TOM1L2: variants seen among roughly 807,000 people sequenced by gnomAD.
The protein encoded by TOM1L2 is target of myb1 like 2 membrane trafficking protein.
TOM1L2 carries 31 observed loss-of-function variants against 67.9 expected under a neutral mutation model. The observed-to-expected ratio is 0.46, with a 90% confidence interval of 0.34 to 0.62. The LOEUF (loss-of-function observed/expected upper bound fraction) is 0.62. Ranked by LOEUF, TOM1L2 falls within the 20% of genes least tolerant of loss-of-function variation. The probability of loss-of-function intolerance (pLI) is 0.01; values close to 1 mark genes in which losing one functional copy is unlikely to be tolerated. For synonymous variants in TOM1L2, 256 were observed against 254.0 expected (o/e 1.01, Z -0.07); for missense variants, 606 against 663.5 (o/e 0.91, Z 0.95).
chr17:17,951,845 T>C (rs1291705937), intron 1 of TOM1L2, among the ~76,000 whole-genome samples: 1 of 152,150 alleles, frequency 6.6e-6, no homozygotes, highest in East Asian at 1.9e-4. Flanking sequence ...AAATGCCTTT[T>C]CCCCTCCTCA....
intron 1 of TOM1L2, 67 bp downstream of exon 1, chr17:17,972,195 C>T (rs1325920554): frequency 1.3e-5 from 20 of 1,539,400 alleles, no homozygotes; most frequent in Non-Finnish European, 1.7e-5. Flanking sequence ...CGGCGGAGGC[C>T]CGCGGTCCTC....
At chr17:17,903,293 C>T (rs557298714) in intron 2 of TOM1L2, among the ~76,000 whole-genome samples, 1 of 152,284 alleles carries the variant, frequency 6.6e-6, no homozygotes, top group African/African-American at 2.4e-5. Context: ...TTATTAACAG[C>T]TAATCAAATG....
At chr17:17,852,516 CAGAT>C (rs1332786407) in intron 12 of TOM1L2, among the ~76,000 whole-genome samples, 4 of 152,224 alleles carry the variant, frequency 2.6e-5, no homozygotes, top group Non-Finnish European at 1.5e-5. Context: ...AGTCACTGAT[CAGAT>C]TAGGAAGAGT....
chr17:17,958,039 G>A (rs1312063372), intron 1 of TOM1L2, among the ~76,000 whole-genome samples: 6 of 151,156 alleles, frequency 4.0e-5, no homozygotes, highest in Non-Finnish European at 7.4e-5. Context: ...GCAGTAAGTC[G>A]AGATTGTGCC....
At chr17:17,964,017 A>G (rs2041791734) in intron 1 of TOM1L2, among the ~76,000 whole-genome samples, 1 of 152,224 alleles carries the variant, frequency 6.6e-6, no homozygotes, top group Non-Finnish European at 1.5e-5. Context: ...CAGAGAAGAG[A>G]TTCATCACCA....
intron 1 of TOM1L2, among the ~76,000 whole-genome samples, chr17:17,957,751 G>A (rs1386188719): frequency 2.0e-5 from 3 of 151,646 alleles, no homozygotes; most frequent in Admixed American, 1.3e-4. Context: ...ACACACACAC[G>A]TACACACACA....
chr17:17,936,780 TTAA>T (rs2040530984), intron 1 of TOM1L2, among the ~76,000 whole-genome samples: 1 of 152,240 alleles, frequency 6.6e-6, no homozygotes, highest in Admixed American at 6.5e-5. Context: ...GAAAAATGTT[TTAA>T]TAATACAGGA....
At chr17:17,915,841 G>GTTT (rs34675283) in intron 1 of TOM1L2, among the ~76,000 whole-genome samples, 2 of 130,352 alleles carry the variant, frequency 1.5e-5, no homozygotes, top group Non-Finnish European at 3.2e-5. Flanking sequence ...AACTGAGTAG[G>GTTT]TTTTTTTTTT....
intron 6 of TOM1L2, among the ~76,000 whole-genome samples, chr17:17,880,454 G>A (rs919909609): frequency 6.6e-6 from 1 of 152,196 alleles, no homozygotes; most frequent in African/African-American, 2.4e-5. Flanking sequence ...TTCTCCCCTT[G>A]CCCTCAGTCC....
intron 5 of TOM1L2, among the ~76,000 whole-genome samples, chr17:17,884,037 C>T (rs2037866787): frequency 6.6e-6 from 1 of 152,144 alleles, no homozygotes; most frequent in Admixed American, 6.5e-5. Flanking sequence ...AAGTGCCAAG[C>T]TGCCCCCTCC....
rs541252707 is a variant in TOM1L2, at chr17:17,844,485, C to G, written c.*3150G>C. On this transcript the variant is annotated 3_prime_UTR_variant, in exon 15 of 15. Coordinates refer to ENST00000379504, the MANE Select transcript of TOM1L2 (RefSeq NM_001082968.2). ...CAAGGCACCATCACTCACATGGAGGCGCTAATAGAAAGACAGGAGGACAGA... is the reference window on the plus strand; with the variant it reads ...CAAGGCACCATCACTCACATGGAGGGGCTAATAGAAAGACAGGAGGACAGA... 6.6e-6 allele frequency: 1 copy of G among 152,364 alleles called. No homozygotes were observed. The highest frequency in any genetic ancestry group is 2.1e-4 in the South Asian group (1 of 4,834). The allele number at this position is 152,364 out of a possible 1,614,324, so 9.4% of individuals were successfully genotyped here. A position where few individuals can be genotyped will look rare whatever the true frequency, so the allele number is the denominator to read the frequency against.
chr17:17,873,328 C>T (rs1004639029), intron 7 of TOM1L2, among the ~76,000 whole-genome samples: 2 of 152,190 alleles, frequency 1.3e-5, no homozygotes, highest in African/African-American at 4.8e-5. Flanking sequence ...ATTTATTCAT[C>T]TTCCTGTCCA....
intron 1 of TOM1L2, among the ~76,000 whole-genome samples, chr17:17,937,657 G>A (rs2040561733): frequency 6.6e-6 from 1 of 152,148 alleles, no homozygotes. Flanking sequence ...CTGACAAACT[G>A]CTCAGCAATG....
intron 4 of TOM1L2, among the ~76,000 whole-genome samples, chr17:17,886,061 C>T (rs931434754): frequency 6.6e-6 from 1 of 152,040 alleles, no homozygotes; most frequent in African/African-American, 2.4e-5. Flanking sequence ...AAGGAGGAGG[C>T]AGAGCCTCCT....
intron 1 of TOM1L2, among the ~76,000 whole-genome samples, chr17:17,917,313 G>A (rs768852539): frequency 6.6e-6 from 1 of 151,576 alleles, no homozygotes; most frequent in African/African-American, 2.4e-5. Context: ...CAGCCTGGGC[G>A]ACAGAGCAAG....
At chr17:17,878,532 G>C (rs933198160) in intron 7 of TOM1L2, among the ~76,000 whole-genome samples, 1 of 152,198 alleles carries the variant, frequency 6.6e-6, no homozygotes, top group African/African-American at 2.4e-5. Flanking sequence ...GAGTAGGAAG[G>C]GGGCACAATA....
chr17:17,957,790 A>C (rs2041521149), intron 1 of TOM1L2, among the ~76,000 whole-genome samples: 1 of 152,050 alleles, frequency 6.6e-6, no homozygotes, highest in Admixed American at 6.6e-5. Flanking sequence ...ACAGTCTCTT[A>C]TGGAAAGCTG....
chr17:17,881,958 A>C (rs1016480026), intron 6 of TOM1L2, among the ~76,000 whole-genome samples: 1 of 152,102 alleles, frequency 6.6e-6, no homozygotes, highest in Non-Finnish European at 1.5e-5. Context: ...TAAACATTGG[A>C]GAGTTTTTTT....
At chr17:17,932,612 T>C (rs1452848079) in intron 1 of TOM1L2, among the ~76,000 whole-genome samples, 1 of 152,164 alleles carries the variant, frequency 6.6e-6, no homozygotes, top group Non-Finnish European at 1.5e-5. Context: ...CAGGCCTCTC[T>C]GGAGCAGGCA....
Sources: allele counts gnomAD v4.1 joint callset (sites outside exome capture counted in the v4.1 genomes callset), GRCh38; gene constraint gnomAD v4.1.1; transcripts MANE v1.5; gene names NCBI Gene and HGNC (gene_info 2026-07-23, HGNC 2026-07-21).